ISY1: variants seen among roughly 807,000 people sequenced by gnomAD.
ISY1 encodes the protein ISY1 spliceosome associated protein.
In ISY1, 12 loss-of-function variants were observed where a neutral mutation model predicts 54.4. The ratio of observed to expected loss-of-function variants is 0.22; its 90% CI spans 0.14 to 0.36. The LOEUF (loss-of-function observed/expected upper bound fraction) is 0.36, where lower values mean the gene tolerates loss of function less well. ISY1 is among the 10% of genes least tolerant of loss of function. The pLI is 1.00. For missense variants in ISY1, 282 were observed against 342.2 expected, an observed-to-expected ratio of 0.82 and a Z score of 1.39; for synonymous variants, 96 against 117.9, an observed-to-expected ratio of 0.81 and a Z score of 1.20.
chr3:129,145,959 A>T, intron 5 of ISY1, 86 bp from the exon 6 acceptor site: 1 of 1,305,264 alleles, frequency 7.7e-7, no homozygotes, highest in Non-Finnish European at 1.1e-6. Flanking sequence ...ATATCCTTAA[A>T]ATGAATGTCA....
At chr3:129,160,638 T>C (rs1042722765) in intron 1 of ISY1, among the ~76,000 whole-genome samples, 1 of 152,084 alleles carries the variant, frequency 6.6e-6, no homozygotes, top group Non-Finnish European at 1.5e-5. Context: ...ATCTTCTCTG[T>C]GGTATTTAGG....
At chr3:129,155,546 T>C (rs1162505510) in intron 5 of ISY1, among the ~76,000 whole-genome samples, 1 of 152,148 alleles carries the variant, frequency 6.6e-6, no homozygotes, top group Admixed American at 6.6e-5. Flanking sequence ...TTTCATCCCC[T>C]AAATTTTGAC....
chr3:129,141,721 T>A (rs1576879124), intron 6 of ISY1, among the ~76,000 whole-genome samples: 1 of 151,426 alleles, frequency 6.6e-6, no homozygotes, highest in Non-Finnish European at 1.5e-5. Flanking sequence ...ACCACTGCAC[T>A]CCAGCCTGGG....
chr3:129,149,878 G>A (rs1167396702), intron 5 of ISY1, among the ~76,000 whole-genome samples: 3 of 149,840 alleles, frequency 2.0e-5, no homozygotes, highest in Non-Finnish European at 4.4e-5. Flanking sequence ...AGAGTTTGAG[G>A]CAAAAGGATC....
At chr3:129,160,918 G>GGCCCGGGGGGGGGGGGGGGGGGGGC in intron 1 of ISY1, 55 bp downstream of exon 1, 1 of 666,128 alleles carries the variant, frequency 1.5e-6, no homozygotes, top group Non-Finnish European at 2.7e-6. Context: ...TGGACTGGGC[G>GGCCCGGGGGGGGGGGGGGGGGGGGC]CCCCCCCGCC....
At chr3:129,159,831 G>C (rs755177647) in intron 1 of ISY1, among the ~76,000 whole-genome samples, 2 of 152,156 alleles carry the variant, frequency 1.3e-5, no homozygotes, top group Non-Finnish European at 2.9e-5. Context: ...TCATCTTACA[G>C]AGCTGTCACG....
chr3:129,160,877 G>T (rs1232532500), intron 1 of ISY1, 96 bp downstream of exon 1: 1 of 1,455,102 alleles, frequency 6.9e-7, no homozygotes. Flanking sequence ...AGCACTGCAC[G>T]TCTGAGCCTC....
rs147161164 is a variant in ISY1, at chr3:129,136,205, G to A, written c.419-1251C>T. Among the ~76,000 whole-genome samples, 258 of 150,990 alleles carry A rather than the reference G, an allele frequency of 1.7e-3. 1 individual carries two copies. Among genetic ancestry groups the A allele is most frequent in the African/African-American group, 6.0e-3 (245 of 41,086 alleles). On this transcript the variant is annotated intron_variant, in intron 7 of 10. Transcript: ENST00000393295. ...CAACCTCTGCATCCCGGGTTCAAGC[G>A]ATTCTCCTGCCTCAGCCTCCCGAGT...
chr3:129,141,104 T>G (rs1306520305), intron 6 of ISY1, among the ~76,000 whole-genome samples: 5 of 150,476 alleles, frequency 3.3e-5, no homozygotes, highest in Non-Finnish European at 7.4e-5. Context: ...CTCAGGAGAC[T>G]GGGGCAGGAA....
At position 129,128,935 on chromosome 3, in the gene ISY1, T is replaced by C. The variant is rs1489029436; in HGVS notation, c.*1146A>G. 1 of 152,350 alleles carries C rather than the reference T, an allele frequency of 6.6e-6. No individual in the cohort carries two copies. Among genetic ancestry groups the C allele is most frequent in the African/African-American group, 2.4e-5 (1 of 41,466 alleles). 9.4% of individuals were successfully genotyped at this position (152,350 alleles called of 1,614,324 possible). A position where few individuals can be genotyped will look rare whatever the true frequency, so the allele number is the denominator to read the frequency against. ...CTGGACTCAGCTCGTGTCCACTGTG[T>C]GCTTTCAGCAGGCCACGGTGCAGCC... On this transcript the variant is annotated 3_prime_UTR_variant, in exon 11 of 11. Coordinates refer to ENST00000393295, the MANE Select transcript of ISY1 (RefSeq NM_020701.4).
chr3:129,153,910 G>C (rs892292037), intron 5 of ISY1, among the ~76,000 whole-genome samples: 2 of 151,982 alleles, frequency 1.3e-5, no homozygotes, highest in Non-Finnish European at 2.9e-5. Flanking sequence ...TTGAAGACCA[G>C]CCTGTTCAAC....
chr3:129,150,917 A>G (rs1278289366), intron 5 of ISY1, among the ~76,000 whole-genome samples: 1 of 150,952 alleles, frequency 6.6e-6, no homozygotes, highest in Admixed American at 6.6e-5. Context: ...TTGAGCCCAG[A>G]AGTTCCAGAC....
chr3:129,144,907 A>G (rs1028366076), intron 6 of ISY1, among the ~76,000 whole-genome samples: 2 of 152,246 alleles, frequency 1.3e-5, no homozygotes, highest in Admixed American at 6.5e-5. Flanking sequence ...GTGAGGAACC[A>G]TGCTCATTTT....
At chr3:129,141,800 T>C (rs901321062) in intron 6 of ISY1, among the ~76,000 whole-genome samples, 1 of 150,304 alleles carries the variant, frequency 6.7e-6, no homozygotes, top group African/African-American at 2.5e-5. Flanking sequence ...TAAATAAAGA[T>C]AAAAAACACG....
At chr3:129,153,784 T>TCAAAA (rs553614533) in intron 5 of ISY1, among the ~76,000 whole-genome samples, 53 of 151,868 alleles carry the variant, frequency 3.5e-4, no homozygotes, top group East Asian at 9.8e-4. Flanking sequence ...AGACTCTGTC[T>TCAAAA]CAAAACAAAA....
chr3:129,132,261 A>G lies in ISY1; in HGVS notation c.664-1625T>C, dbSNP rs1560012821. Reference sequence around the variant, plus strand: ...CTACTGTGCTAGAACTACATGAGATACAACCACTGGGGGGAACTGGGTGAA... The same window carrying G: ...CTACTGTGCTAGAACTACATGAGATGCAACCACTGGGGGGAACTGGGTGAA... On this transcript the variant is annotated intron_variant, in intron 9 of 10. Coordinates refer to ENST00000393295, the MANE Select transcript of ISY1 (RefSeq NM_020701.4). Among the ~76,000 whole-genome samples, 6 of 152,164 alleles carry G rather than the reference A, an allele frequency of 3.9e-5. No individual in the cohort carries two copies. In the South Asian group the frequency reaches 1.2e-3, roughly 32 times the overall value.
chr3:129,140,042 T>G (rs920565388), intron 7 of ISY1, among the ~76,000 whole-genome samples: 11 of 152,214 alleles, frequency 7.2e-5, no homozygotes, highest in Non-Finnish European at 1.3e-4. Flanking sequence ...ATGACCTGAT[T>G]CAATGAACTT....
intron 5 of ISY1, among the ~76,000 whole-genome samples, chr3:129,153,199 A>G (rs1937029306): frequency 6.6e-6 from 1 of 151,846 alleles, no homozygotes. Flanking sequence ...TCATAGAGAC[A>G]GGGTTTCACC....
At position 129,134,940 on chromosome 3, in the gene ISY1, T is replaced by C; in HGVS notation, c.433A>G (p.Arg145Gly). 1 of 1,607,978 alleles carries C rather than the reference T, an allele frequency of 6.2e-7. No individual in the cohort carries two copies. Residue 145 changes from arginine to glycine, a missense_variant, in exon 8 of 11, where the codon AGA becomes GGA. Coordinates refer to ENST00000393295, the MANE Select transcript of ISY1 (RefSeq NM_020701.4). Reference protein sequence around the residue: ...LFEKEPLPPPRKTRAELMKAI... With the variant: ...LFEKEPLPPPGKTRAELMKAI... Reference sequence around the variant, plus strand: ...TTCATGAGCTCAGCACGTGTCTTTCTGGGAGGAGGAAGAGCTATAAGAAAC... The same window carrying C: ...TTCATGAGCTCAGCACGTGTCTTTCCGGGAGGAGGAAGAGCTATAAGAAAC...
Sources: gnomAD v4.1 joint callset for allele counts (sites outside exome capture counted in the v4.1 genomes callset) on GRCh38, gnomAD v4.1.1 for gene constraint, MANE v1.5 for transcripts, NCBI Gene and HGNC (gene_info 2026-07-23, HGNC 2026-07-21) for gene names.